The following GLIS3 variants were observed in gnomAD, a reference collection of about 807,000 sequenced individuals.
GLIS3 encodes GLIS family zinc finger 3.
A neutral mutation model predicts 78.6 loss-of-function variants in GLIS3; 53 were observed. That is an observed-to-expected ratio of 0.67 (90% confidence interval 0.54 to 0.85). The LOEUF (loss-of-function observed/expected upper bound fraction) is 0.85, where lower values mean the gene tolerates loss of function less well. GLIS3 is among the 40% of genes least tolerant of loss of function. The pLI is 0.00. For missense variants in GLIS3, 1,703 were observed against 1,231.1 expected (o/e 1.38, Z -5.74); for synonymous variants, 684 against 509.9 (o/e 1.34, Z -4.60).
the GLIS3 span, among the ~76,000 whole-genome samples, chr9:4,389,356 C>A: frequency 1.8e-3 from 269 of 152,264 alleles, 3 homozygotes; most frequent in African/African-American, 6.0e-3. Flanking sequence ...GGATTTCCCT[C>A]CTATACAATG....
At chr9:4,476,249 T>G in the GLIS3 span, among the ~76,000 whole-genome samples, 1 of 152,240 alleles carries the variant, frequency 6.6e-6, no homozygotes, top group African/African-American at 2.4e-5. Context: ...GGAAAATAAT[T>G]CTTTACAGTA....
chr9:3,908,887 A>G (rs933144778), intron 6 of GLIS3, among the ~76,000 whole-genome samples: 1 of 152,104 alleles, frequency 6.6e-6, no homozygotes, highest in Non-Finnish European at 1.5e-5. Flanking sequence ...AGATTCTTCA[A>G]TTTTCAGTTC....
In GLIS3 at chr9:4,007,327, G is replaced by T. The variant is rs1219907104; in HGVS notation, c.1711-70138C>A. ...CTGAGCTTTTACCCCATCTTTCTCT[G>T]CCCCCACACCTCAGGCTGAAGAGGG... On this transcript the variant is annotated intron_variant, in intron 4 of 10. Transcript: ENST00000381971. Among the ~76,000 whole-genome samples the T allele has an allele frequency of 2.6e-5, 4 of 151,982 alleles. No homozygotes were observed. In the East Asian group the frequency reaches 5.8e-4, roughly 22 times the overall value.
At chr9:3,886,077 A>G (rs1002815617) in intron 7 of GLIS3, among the ~76,000 whole-genome samples, 4 of 152,230 alleles carry the variant, frequency 2.6e-5, no homozygotes, top group Admixed American at 2.0e-4. Flanking sequence ...TTGGCTACTT[A>G]TATTATTGTA....
intron 2 of GLIS3, among the ~76,000 whole-genome samples, chr9:4,202,822 G>T (rs1368420890): frequency 6.6e-6 from 1 of 152,306 alleles, no homozygotes; most frequent in South Asian, 2.1e-4. Context: ...ATTAAGTCAA[G>T]ATGGATTAAA....
At chr9:4,485,546 G>A in the GLIS3 span, among the ~76,000 whole-genome samples, 5 of 152,138 alleles carry the variant, frequency 3.3e-5, no homozygotes, top group Non-Finnish European at 7.4e-5. Context: ...TTTCCAGGGA[G>A]GCTGATTTGA....
chr9:3,870,134 G>A (rs528045736), intron 8 of GLIS3, among the ~76,000 whole-genome samples: 15 of 152,294 alleles, frequency 9.8e-5, no homozygotes, highest in African/African-American at 3.6e-4. Context: ...TGCTGTCTTT[G>A]ACCCTTTAGC....
intron 7 of GLIS3, among the ~76,000 whole-genome samples, chr9:3,880,113 G>A (rs971223708): frequency 6.6e-6 from 1 of 152,086 alleles, no homozygotes; most frequent in Non-Finnish European, 1.5e-5. Context: ...TAGCATGAAC[G>A]TAGGATCCTG....
At chr9:4,263,897 T>A (rs1218258713) in intron 2 of GLIS3, among the ~76,000 whole-genome samples, 1 of 152,226 alleles carries the variant, frequency 6.6e-6, no homozygotes, top group East Asian at 1.9e-4. Flanking sequence ...GATTTCTTCA[T>A]GGCTCAGTTA....
chr9:4,085,742 A>C (rs1022006048), intron 4 of GLIS3, among the ~76,000 whole-genome samples: 2 of 152,008 alleles, frequency 1.3e-5, no homozygotes, highest in Non-Finnish European at 2.9e-5. Flanking sequence ...GTGAATTCTC[A>C]TGAGATCTGG....
chr9:3,839,781 C>A (rs7859278), intron 9 of GLIS3, among the ~76,000 whole-genome samples: 21,187 of 152,144 alleles, frequency 0.14, 1,574 homozygotes, highest in South Asian at 0.26. Flanking sequence ...TGCCAGGTTG[C>A]AGGCAAAGTT....
intron 2 of GLIS3, among the ~76,000 whole-genome samples, chr9:4,224,944 C>T (rs1401888564): frequency 6.6e-6 from 1 of 151,752 alleles, no homozygotes; most frequent in Non-Finnish European, 1.5e-5. Context: ...CTATGAGTAT[C>T]GTTATCATTA....
chr9:4,165,630 G>A (rs1027347070), intron 2 of GLIS3, among the ~76,000 whole-genome samples: 11 of 152,190 alleles, frequency 7.2e-5, no homozygotes, highest in South Asian at 2.1e-4. Context: ...TTCCTGCTCC[G>A]GGCTGATGCC....
chr9:4,039,325 C>A (rs1824600033), intron 4 of GLIS3, among the ~76,000 whole-genome samples: 1 of 152,136 alleles, frequency 6.6e-6, no homozygotes. Context: ...CTGTCCAATG[C>A]AGTATTATCT....
At chr9:4,200,517 T>C (rs1225617481) in intron 2 of GLIS3, among the ~76,000 whole-genome samples, 1 of 152,090 alleles carries the variant, frequency 6.6e-6, no homozygotes, top group African/African-American at 2.4e-5. Flanking sequence ...CTTCAGAGAC[T>C]ATTATGAACA....
intron 2 of GLIS3, among the ~76,000 whole-genome samples, chr9:4,167,159 G>T (rs111754819): frequency 6.6e-6 from 1 of 152,140 alleles, no homozygotes; most frequent in African/African-American, 2.4e-5. Flanking sequence ...ATCCAAAGAG[G>T]ATAAGGGAGT....
intron 7 of GLIS3, among the ~76,000 whole-genome samples, chr9:3,888,520 G>A (rs1194391676): frequency 6.6e-6 from 1 of 152,182 alleles, no homozygotes; most frequent in Non-Finnish European, 1.5e-5. Context: ...CTCTCTCAAA[G>A]AGCCTCTCCC....
intron 1 of GLIS3, among the ~76,000 whole-genome samples, chr9:4,290,099 T>A (rs986922671): frequency 5.3e-5 from 8 of 152,162 alleles, no homozygotes; most frequent in African/African-American, 1.9e-4. Context: ...ATGACTTCCA[T>A]AATGCCTATT....
the GLIS3 span, among the ~76,000 whole-genome samples, chr9:4,479,744 C>A: frequency 1.3e-5 from 2 of 151,964 alleles, no homozygotes; most frequent in Non-Finnish European, 2.9e-5. Flanking sequence ...GGGAGGCAGA[C>A]CCCTATCTGG....
Sources: gnomAD v4.1 joint callset for allele counts (sites outside exome capture counted in the v4.1 genomes callset) on GRCh38, gnomAD v4.1.1 for gene constraint, MANE v1.5 for transcripts, NCBI Gene and HGNC (gene_info 2026-07-23, HGNC 2026-07-21) for gene names.